DSCAM: variants seen among roughly 807,000 people sequenced by gnomAD.
DSCAM encodes cell adhesion molecule DSCAM.
A neutral mutation model predicts 217.7 loss-of-function variants in DSCAM; 47 were observed. That is an observed-to-expected ratio of 0.22 (90% CI 0.17 to 0.28). The LOEUF (loss-of-function observed/expected upper bound fraction) is 0.28, where lower values mean the gene tolerates loss of function less well. Among genes scored for constraint, DSCAM ranks in the 10% least tolerant of loss-of-function variants. DSCAM has a pLI of 1.00. For synonymous variants in DSCAM, 1,056 were observed against 1,015.3 expected, an observed-to-expected ratio of 1.04 and a Z score of -0.76; for missense variants, 2,080 against 2,618.3, an observed-to-expected ratio of 0.79 and a Z score of 4.49.
At chr21:40,725,656 G>A (rs1042130980) in intron 1 of DSCAM, among the ~76,000 whole-genome samples, 5 of 152,174 alleles carry the variant, frequency 3.3e-5, no homozygotes, top group Admixed American at 6.5e-5. Context: ...AAATGTAACC[G>A]AAGGCAGACC....
intron 3 of DSCAM, among the ~76,000 whole-genome samples, chr21:40,380,521 T>C (rs1431307006): frequency 6.6e-6 from 1 of 152,172 alleles, no homozygotes; most frequent in African/African-American, 2.4e-5. Flanking sequence ...CATAAATGCA[T>C]TTACATGAAT....
At chr21:40,402,968 T>C (rs956095188) in intron 3 of DSCAM, among the ~76,000 whole-genome samples, 3 of 140,386 alleles carry the variant, frequency 2.1e-5, no homozygotes, top group African/African-American at 8.3e-5. Flanking sequence ...AGCAAGATTA[T>C]ACCCCCCCAC....
At chr21:40,195,894 G>A (rs73904734) in intron 11 of DSCAM, among the ~76,000 whole-genome samples, 10,328 of 152,304 alleles carry the variant, frequency 0.068, 1,112 homozygotes, top group African/African-American at 0.23. Flanking sequence ...AATCAGCCAT[G>A]TATCTACTGC....
rs373007890 is a variant in DSCAM at position 40,551,090 on chromosome 21, G to T, written c.508+141720C>A. Among the ~76,000 whole-genome samples, 54 of 152,284 alleles carry T rather than the reference G, an allele frequency of 3.5e-4. 2 individuals carry two copies. In the South Asian group the frequency reaches 0.01, roughly 29 times the overall value. ...AAGCCAAACTGAAATATTTAAAGAG[G>T]TTTATTCTGAGCCAAATACCAATGA... On this transcript the variant is annotated intron_variant, in intron 3 of 32. Transcript: ENST00000400454.
chr21:40,365,521 G>A (rs1470764131), intron 4 of DSCAM, among the ~76,000 whole-genome samples: 1 of 152,090 alleles, frequency 6.6e-6, no homozygotes, highest in Non-Finnish European at 1.5e-5. Context: ...TTGTGATCAC[G>A]TGAGTCATTA....
At chr21:40,736,390 T>C (rs1423973018) in intron 1 of DSCAM, among the ~76,000 whole-genome samples, 1 of 151,940 alleles carries the variant, frequency 6.6e-6, no homozygotes, top group African/African-American at 2.4e-5. Context: ...GGGGGTAAGC[T>C]CATGGGGGCC....
intron 1 of DSCAM, among the ~76,000 whole-genome samples, chr21:40,837,301 T>A (rs945516970): frequency 2.6e-5 from 4 of 152,088 alleles, no homozygotes; most frequent in African/African-American, 9.7e-5. Flanking sequence ...GCGGTAGAGG[T>A]ATGGGGGAGA....
At chr21:40,399,892 A>G (rs2075218219) in intron 3 of DSCAM, among the ~76,000 whole-genome samples, 1 of 152,238 alleles carries the variant, frequency 6.6e-6, no homozygotes, top group Non-Finnish European at 1.5e-5. Flanking sequence ...AAAACAAAGT[A>G]ACAAAGCAAT....
intron 29 of DSCAM, 69 bp from the exon 30 acceptor site, chr21:40,052,176 C>G (rs936971086): frequency 6.4e-7 from 1 of 1,553,596 alleles, no homozygotes; most frequent in African/African-American, 1.4e-5. Flanking sequence ...CTGGCCTTTT[C>G]TCTCCTGAGG....
chr21:40,183,161 C>A (rs998350842), intron 14 of DSCAM, among the ~76,000 whole-genome samples: 1 of 150,784 alleles, frequency 6.6e-6, no homozygotes, highest in Non-Finnish European at 1.5e-5. Flanking sequence ...CAGGAGATGG[C>A]CCCCACAGGA....
chr21:40,425,872 A>G (rs984506216), intron 3 of DSCAM, among the ~76,000 whole-genome samples: 1 of 152,176 alleles, frequency 6.6e-6, no homozygotes, highest in Admixed American at 6.5e-5. Flanking sequence ...TGTTAACTAT[A>G]TATGTTATAT....
At chr21:40,395,836 C>G (rs914606948) in intron 3 of DSCAM, among the ~76,000 whole-genome samples, 16 of 152,312 alleles carry the variant, frequency 1.1e-4, no homozygotes, top group Non-Finnish European at 1.8e-4. Flanking sequence ...CATTGGCATT[C>G]ACACAGTGAC....
intron 3 of DSCAM, among the ~76,000 whole-genome samples, chr21:40,632,795 C>A (rs931380580): frequency 2.0e-5 from 3 of 152,158 alleles, no homozygotes; most frequent in African/African-American, 7.2e-5. Context: ...GCTGCATCCA[C>A]AGGAAGCCCA....
intron 3 of DSCAM, among the ~76,000 whole-genome samples, chr21:40,615,801 CTT>C (rs1027291930): frequency 3.9e-5 from 6 of 152,018 alleles, no homozygotes; most frequent in Admixed American, 3.9e-4. Flanking sequence ...TATGGGCAGT[CTT>C]TGCCTGTGTC....
At chr21:40,732,396 C>T (rs1192136268) in intron 1 of DSCAM, among the ~76,000 whole-genome samples, 2 of 152,188 alleles carry the variant, frequency 1.3e-5, no homozygotes, top group Non-Finnish European at 2.9e-5. Flanking sequence ...ATGCCAAGAA[C>T]CTTGAAGGTT....
chr21:40,084,936 T>C (rs2089511653), intron 23 of DSCAM, among the ~76,000 whole-genome samples: 1 of 152,126 alleles, frequency 6.6e-6, no homozygotes, highest in Non-Finnish European at 1.5e-5. Context: ...CTTGCTGTAA[T>C]CTATTAATGT....
chr21:40,833,356 T>C (rs2092027897), intron 1 of DSCAM, among the ~76,000 whole-genome samples: 1 of 152,176 alleles, frequency 6.6e-6, no homozygotes, highest in Non-Finnish European at 1.5e-5. Context: ...AAAGAGAATT[T>C]GCAGTGCTTT....
chr21:40,728,127 T>C (rs943655760), intron 1 of DSCAM, among the ~76,000 whole-genome samples: 1 of 152,162 alleles, frequency 6.6e-6, no homozygotes, highest in Non-Finnish European at 1.5e-5. Flanking sequence ...TTACTCCCCA[T>C]GGCCCTCAGC....
intron 3 of DSCAM, among the ~76,000 whole-genome samples, chr21:40,480,859 T>C (rs1193563571): frequency 6.6e-6 from 1 of 152,216 alleles, no homozygotes. Context: ...TATCAATATT[T>C]ATATCTTTTC....
Sources: gnomAD v4.1 joint callset for allele counts (sites outside exome capture counted in the v4.1 genomes callset) on GRCh38, gnomAD v4.1.1 for gene constraint, MANE v1.5 for transcripts, NCBI Gene and HGNC (gene_info 2026-07-23, HGNC 2026-07-21) for gene names.